The following TERT variants were observed in gnomAD, a reference collection of about 807,000 sequenced individuals.
TERT encodes telomerase reverse transcriptase.
TERT carries 42 observed loss-of-function variants against 104.0 expected under a neutral mutation model. The ratio of observed to expected loss-of-function variants is 0.40; its 90% CI spans 0.32 to 0.52. The LOEUF is 0.52. Ranked by LOEUF, TERT falls within the 20% of genes least tolerant of loss-of-function variation. The pLI is 0.43. For missense variants in TERT, 1,101 were observed against 1,610.3 expected, an observed-to-expected ratio of 0.68 and a Z score of 5.41; for synonymous variants, 781 against 725.6, an observed-to-expected ratio of 1.08 and a Z score of -1.23.
In TERT at chr5:1,282,422, A is replaced by G; in HGVS notation, c.1769+7T>C. On this transcript the variant is annotated splice_region_variant and intron_variant, in intron 3 of 15. Coordinates refer to ENST00000310581, the MANE Select transcript of TERT (RefSeq NM_198253.3). ...AGAAGCAGAGGCCTGGCGTGGGGAT[A>G]CAGTACCTGATTCCAATGCTTTGCA... The G allele has an allele frequency of 6.2e-7, 1 of 1,613,370 alleles. No individual in the cohort carries two copies. The highest frequency in any genetic ancestry group is 8.5e-7 in the Non-Finnish European group (1 of 1,179,584).
intron 6 of TERT, among the ~76,000 whole-genome samples, chr5:1,272,602 A>T: frequency 7.5e-5 from 2 of 26,588 alleles, no homozygotes; most frequent in Non-Finnish European, 1.6e-4. Context: ...CGCCATCCAC[A>T]GTCACCACAT....
Position 1,255,147 on chromosome 5 carries a change from G to A in TERT, c.3157+140C>T. On this transcript the variant is annotated intron_variant, in intron 14 of 15. Transcript: ENST00000310581. The surrounding 1 kb of genome is among the most constrained non-coding windows in gnomAD (Gnocchi z 6.9). ...ACCCCACGAGAGGGCGGGCAGACGA[G>A]CCTGACAGTGGTTGGGTTAAACCAC... The A allele has an allele frequency of 9.1e-7, 1 of 1,103,682 alleles. No individual in the cohort carries two copies. The highest frequency in any genetic ancestry group is 1.3e-6 in the Non-Finnish European group (1 of 757,702). The allele number at this position is 1,103,682 out of a possible 1,614,324, so 68.4% of individuals were successfully genotyped here. A position where few individuals can be genotyped will look rare whatever the true frequency, so the allele number is the denominator to read the frequency against.
chr5:1,294,319 G>C lies in TERT; in HGVS notation c.567C>G (p.His189Gln). 1 of 1,589,362 alleles carries C rather than the reference G, an allele frequency of 6.3e-7. No individual in the cohort carries two copies. Among genetic ancestry groups the C allele is most frequent in the Non-Finnish European group, 8.5e-7 (1 of 1,174,640 alleles). ...CCAGACGCCTTCGGGGTCCACTAGC[G>C]TGTGGCGGGGGCCGGGCCTGAGTGG... Reference protein sequence around the residue: ...GAATQARPPPHASGPRRRLGC... With the variant: ...GAATQARPPPQASGPRRRLGC... Residue 189 changes from histidine to glutamine, a missense_variant, in exon 2 of 16, where the codon CAC becomes CAG. This residue lies in a region of TERT where 504 missense variants were observed against 544.6 expected (regional missense o/e 0.93). Coordinates refer to ENST00000310581, the MANE Select transcript of TERT (RefSeq NM_198253.3).
chr5:1,286,933 GA>G lies in TERT; in HGVS notation c.1574-4310del, dbSNP rs1459600692. Among the ~76,000 whole-genome samples the G allele has an allele frequency of 6.6e-6, 1 of 152,032 alleles. No homozygotes were observed. Among genetic ancestry groups the G allele is most frequent in the East Asian group, 1.9e-4 (1 of 5,180 alleles). The stretch of plus-strand genomic sequence containing the variant: ...ATCAGGGGGTAACACTAAGCAAAGA[GA>G]AATAAAAGCAAATGCCCAGTGACCA... On this transcript the variant is annotated intron_variant, in intron 2 of 15. Coordinates refer to ENST00000310581, the MANE Select transcript of TERT (RefSeq NM_198253.3). The surrounding 1 kb of genome is among the most constrained non-coding windows in gnomAD (Gnocchi z 5.3).
rs2126644343 is a variant in TERT, at chr5:1,280,223, C to T, written c.1885G>A (p.Gly629Arg). ...TCCATGTTCACAATCGGCCGCAGCC[C>T]GTCAGGCTTGGGGATGAAGCGGAGT... ...SRLRFIPKPD[G>R]LRPIVNMDYV... Residue 629 changes from glycine (G) to arginine (R), a missense_variant, in exon 4 of 16, where the codon GGG becomes AGG. Gly to Arg is a moderately radical substitution (Grantham distance 125). Around this residue, in one of 5 missense-constraint regions of TERT, gnomAD observed 463 missense variants for 797.5 expected, o/e 0.58. Coordinates refer to ENST00000310581, the MANE Select transcript of TERT (RefSeq NM_198253.3). The T allele has an allele frequency of 6.2e-7, 1 of 1,614,008 alleles. No homozygotes were observed. Among genetic ancestry groups the T allele is most frequent in the Non-Finnish European group, 8.5e-7 (1 of 1,180,046 alleles).
rs1380764585 is a variant in TERT at position 1,282,805 on chromosome 5, C to T, written c.1574-181G>A. 4 of 673,096 alleles carry T rather than the reference C, an allele frequency of 5.9e-6. No homozygotes were observed. The East Asian group carries it at 1.1e-4, about 19-fold the overall frequency. The allele number at this position is 673,096 out of a possible 1,614,324, so 41.7% of individuals were successfully genotyped here. ...AAGGGCCTGGCGACCTCACCCTGGA[C>T]CTGCACCATTCGGACACGGGGACAC... On this transcript the variant is annotated intron_variant, in intron 2 of 15. Coordinates refer to ENST00000310581, the MANE Select transcript of TERT (RefSeq NM_198253.3).
intron 2 of TERT, 50 bp from the exon 3 acceptor site, chr5:1,282,674 C>A: frequency 1.3e-6 from 2 of 1,595,646 alleles, no homozygotes; most frequent in Non-Finnish European, 1.7e-6. Flanking sequence ...GCCTGGTGAC[C>A]TCACCCCGGA....
chr5:1,281,260 T>C (rs912252133), intron 3 of TERT, among the ~76,000 whole-genome samples: 2 of 152,280 alleles, frequency 1.3e-5, no homozygotes, highest in African/African-American at 4.8e-5. Flanking sequence ...GGGAAAGCCC[T>C]GACCCTCCCC....
In TERT at chr5:1,265,957, C is replaced by T. The variant is rs1339763761; in HGVS notation, c.2654+507G>A. On this transcript the variant is annotated intron_variant, in intron 10 of 15. Coordinates refer to ENST00000310581, the MANE Select transcript of TERT (RefSeq NM_198253.3). This position sits in a 1 kb window ranked among gnomAD's most constrained non-coding sequence, Gnocchi z 6.9. ...TCCTAGCCATCTCCGTGGTTCAAGA[C>T]AGCAGCACTCAGCAAATCCAAATTC... 2.0e-4 allele frequency among the ~76,000 whole-genome samples: 31 copies of T among 152,222 alleles called. No homozygotes were observed. Among genetic ancestry groups the T allele is most frequent in the Non-Finnish European group, 1.5e-5 (1 of 68,034 alleles).
At position 1,294,563 on chromosome 5, in the gene TERT, C is replaced by T; in HGVS notation, c.323G>A (p.Arg108His). 6.3e-7 allele frequency: 1 copy of T among 1,582,366 alleles called. No individual in the cohort carries two copies. Among genetic ancestry groups the T allele is most frequent in the Middle Eastern group, 1.7e-4 (1 of 5,962 alleles). Residue 108 changes from arginine to histidine, a missense_variant, in exon 2 of 16, where the codon CGC becomes CAC. By Grantham distance (29) the Arg-to-His change is conservative. Around this residue, in one of 5 missense-constraint regions of TERT, gnomAD observed 47 missense variants for 105.3 expected, o/e 0.45. Coordinates refer to ENST00000310581, the MANE Select transcript of TERT (RefSeq NM_198253.3). ...AFGFALLDGARGGPPEAFTTS... is the reference protein window; with the variant it reads ...AFGFALLDGAHGGPPEAFTTS... ...GGTGAAGGCCTCGGGGGGGCCCCCGCGGGCCCCGTCCAGCAGCGCGAAGCC... is the reference window on the plus strand; with the variant it reads ...GGTGAAGGCCTCGGGGGGGCCCCCGTGGGCCCCGTCCAGCAGCGCGAAGCC...
intron 4 of TERT, among the ~76,000 whole-genome samples, chr5:1,279,835 G>A (rs555619838): frequency 5.9e-5 from 9 of 152,210 alleles, no homozygotes; most frequent in Non-Finnish European, 8.8e-5. Flanking sequence ...CCCCGTAAGC[G>A]GAAGCGCACG....
chr5:1,293,372 A>T lies in TERT; in HGVS notation c.1514T>A (p.Leu505Gln), dbSNP rs1344847833. 1.2e-6 allele frequency: 2 copies of T among 1,613,254 alleles called. No individual in the cohort carries two copies. The highest frequency in any genetic ancestry group is 1.7e-6 in the Non-Finnish European group (2 of 1,180,018). Residue 505 changes from leucine (L) to glutamine (Q), a missense_variant, in exon 2 of 16, where the codon CTG becomes CAG. By Grantham distance (113) the Leu-to-Gln change is moderately radical (BLOSUM62 -2). This residue lies in a region of TERT where 504 missense variants were observed against 544.6 expected (regional missense o/e 0.93). Transcript: ENST00000310581. Reference protein sequence around the residue: ...ISLGKHAKLSLQELTWKMSVR... With the variant: ...ISLGKHAKLSQQELTWKMSVR... ...GCTCATCTTCCACGTCAGCTCCTGCAGCGAGAGCTTGGCATGCTTCCCCAG... is the reference window on the plus strand; with the variant it reads ...GCTCATCTTCCACGTCAGCTCCTGCTGCGAGAGCTTGGCATGCTTCCCCAG...
In TERT at chr5:1,268,067, T is replaced by C. The variant is rs1485150083; in HGVS notation, c.2582+453A>G. Among the ~76,000 whole-genome samples, 1 of 151,926 alleles carries C rather than the reference T, an allele frequency of 6.6e-6. No homozygotes were observed. Among genetic ancestry groups the C allele is most frequent in the African/African-American group, 2.4e-5 (1 of 41,354 alleles). ...CACGATATTTAGGTGTGTGCGTCCT[T>C]GGGTGTAGACCCCATGCAAGTGGGA... On this transcript the variant is annotated intron_variant, in intron 9 of 15. Coordinates refer to ENST00000310581, the MANE Select transcript of TERT (RefSeq NM_198253.3). The surrounding 1 kb of genome is among the most constrained non-coding windows in gnomAD (Gnocchi z 5.5).
rs1750552613 is a variant in TERT, at chr5:1,287,311, G to A, written c.1574-4687C>T. ...GTCCAAGAGTTTGAGACCAGCCTGG[G>A]CAACACAGCAAGACCCTGTCTCCAG... On this transcript the variant is annotated intron_variant, in intron 2 of 15. Transcript: ENST00000310581. The surrounding 1 kb of genome is among the most constrained non-coding windows in gnomAD (Gnocchi z 4.3). Among the ~76,000 whole-genome samples the A allele has an allele frequency of 1.3e-5, 2 of 151,992 alleles. No individual in the cohort carries two copies. Among genetic ancestry groups the A allele is most frequent in the Non-Finnish European group, 2.9e-5 (2 of 68,000 alleles).
intron 2 of TERT, among the ~76,000 whole-genome samples, chr5:1,289,260 A>C (rs1323496354): frequency 5.0e-5 from 7 of 139,652 alleles, no homozygotes; most frequent in African/African-American, 1.6e-4. Context: ...ATGGCGCCTC[A>C]CTCACCCTAC....
intron 2 of TERT, among the ~76,000 whole-genome samples, chr5:1,290,343 C>T (rs1216428890): frequency 1.5e-5 from 1 of 65,648 alleles, no homozygotes; most frequent in African/African-American, 9.5e-5. Flanking sequence ...CACCCGGGGA[C>T]GGCACCTCAC....
Position 1,279,271 on chromosome 5 carries a change from C to T in TERT, c.2130+20G>A, listed in dbSNP as rs375125144. 140 of 1,560,414 alleles carry T rather than the reference C, an allele frequency of 9.0e-5. 1 individual carries two copies. Among genetic ancestry groups the T allele is most frequent in the Middle Eastern group, 2.3e-4 (1 of 4,368 alleles). ...TCCCAAGGTCCAGCAGGGCTGCTCA[C>T]GGGGGTCCCCGGCACCCACCTTGAC... On this transcript the variant is annotated intron_variant, in intron 5 of 15. Transcript: ENST00000310581.
rs1268051204 is a variant in TERT, at chr5:1,293,984, C to A, written c.902G>T (p.Arg301Leu). The change falls in exon 2 of 16, where the codon CGC becomes CTC. Residue 301 changes from arginine to leucine, a missense_variant. This residue lies in a region of TERT where 504 missense variants were observed against 544.6 expected (regional missense o/e 0.93). Coordinates refer to ENST00000310581, the MANE Select transcript of TERT (RefSeq NM_198253.3). ...GTRHSHPSVGRQHHAGPPSTS... is the reference protein window; with the variant it reads ...GTRHSHPSVGLQHHAGPPSTS... ...GGATGGGGGGCCCGCGTGGTGCTGG[C>A]GGCCCACGGATGGGTGGGAGTGGCG... 3 of 1,568,072 alleles carry A rather than the reference C, an allele frequency of 1.9e-6. No homozygotes were observed. Among genetic ancestry groups the A allele is most frequent in the South Asian group, 2.3e-5 (2 of 85,772 alleles).
At position 1,265,375 on chromosome 5, in the gene TERT, C is replaced by T. The variant is rs1025631245; in HGVS notation, c.2655-783G>A. On this transcript the variant is annotated intron_variant, in intron 10 of 15. Coordinates refer to ENST00000310581, the MANE Select transcript of TERT (RefSeq NM_198253.3). The surrounding 1 kb of genome is among the most constrained non-coding windows in gnomAD (Gnocchi z 6.9). ...CCACCCCTTCCTGTTACATGGCTGC[C>T]GACTCATCAGAGACAGAGTTCTGCC... 6.6e-6 allele frequency among the ~76,000 whole-genome samples: 1 copy of T among 152,124 alleles called. No homozygotes were observed. The highest frequency in any genetic ancestry group is 2.4e-5 in the African/African-American group (1 of 41,416).
Sources: gnomAD v4.1 joint callset for allele counts (sites outside exome capture counted in the v4.1 genomes callset) on GRCh38, gnomAD v4.1.1 for gene constraint, gnomAD v4.1.1 regional missense constraint, Gnocchi (gnomAD v3.1) non-coding constraint, MANE v1.5 for transcripts, NCBI Gene and HGNC (gene_info 2026-07-23, HGNC 2026-07-21) for gene names.